TEX14: variants seen among roughly 807,000 people sequenced by gnomAD.
The protein encoded by TEX14 is inactive serine/threonine-protein kinase TEX14.
TEX14 carries 168 observed loss-of-function variants against 178.6 expected under a neutral mutation model. The observed-to-expected ratio is 0.94, with a 90% CI of 0.83 to 1.07. The LOEUF is 1.07. TEX14 is among the 50% of genes least tolerant of loss of function. The probability of loss-of-function intolerance (pLI) is 0.00; values close to 1 mark genes in which losing one functional copy is unlikely to be tolerated. For missense variants in TEX14, 1,730 were observed against 1,753.6 expected (o/e 0.99, Z 0.24); for synonymous variants, 626 against 634.1 (o/e 0.99, Z 0.19).
chr17:58,645,320 A>G (rs1398255978), intron 2 of TEX14, among the ~76,000 whole-genome samples: 1 of 151,550 alleles, frequency 6.6e-6, no homozygotes, highest in Non-Finnish European at 1.5e-5. Context: ...TTATAAAATT[A>G]TATTGTAGGA....
At chr17:58,557,181 G>A (rs2044153481) in intron 31 of TEX14, 134 bp from the exon 32 acceptor site, 1 of 733,026 alleles carries the variant, frequency 1.4e-6, no homozygotes, top group Non-Finnish European at 2.4e-6. Flanking sequence ...ATAATCAAGG[G>A]CGATTATAAC....
chr17:58,624,341 C>CT (rs34422419), intron 3 of TEX14, among the ~76,000 whole-genome samples: 28,024 of 128,552 alleles, frequency 0.22, 4,154 homozygotes, highest in Middle Eastern at 0.39. Context: ...CTTTTCTTTT[C>CT]TTTTTTTTTT....
chr17:58,585,774 T>C lies in TEX14; in HGVS notation c.3070+27A>G, dbSNP rs751690354. Reference sequence around the variant, plus strand: ...CGACTGATACTTGATTGAGTTCACCTATCCTGATTCCCGCAAGTGAACTTA... The same window carrying C: ...CGACTGATACTTGATTGAGTTCACCCATCCTGATTCCCGCAAGTGAACTTA... On this transcript the variant is annotated intron_variant, in intron 18 of 31. Coordinates refer to ENST00000349033, the MANE Select transcript of TEX14 (RefSeq NM_031272.5). 2.5e-6 allele frequency: 4 copies of C among 1,612,128 alleles called. No individual in the cohort carries two copies. In the Admixed American group the frequency reaches 5.0e-5, roughly 20 times the overall value.
chr17:58,607,029 A>G (rs2045626068), intron 10 of TEX14, among the ~76,000 whole-genome samples: 2 of 151,248 alleles, frequency 1.3e-5, no homozygotes, highest in African/African-American at 2.4e-5. Flanking sequence ...AAAAAAAAAA[A>G]AAAAAAAGGA....
chr17:58,617,229 C>T (rs527382614), intron 6 of TEX14, among the ~76,000 whole-genome samples: 1 of 152,080 alleles, frequency 6.6e-6, no homozygotes, highest in Non-Finnish European at 1.5e-5. Flanking sequence ...CCAGCCTGGG[C>T]AACAGAGCCA....
chr17:58,609,486 G>A (rs947691265), intron 10 of TEX14, among the ~76,000 whole-genome samples: 3 of 152,110 alleles, frequency 2.0e-5, no homozygotes, highest in Admixed American at 6.6e-5. Context: ...CAGGTGATCC[G>A]CATGCCTCAG....
chr17:58,627,769 CAAAAAAAAAAAA>C, intron 3 of TEX14, among the ~76,000 whole-genome samples: 1 of 66,944 alleles, frequency 1.5e-5, no homozygotes. Flanking sequence ...GACTCTATCT[CAAAAAAAAAAAA>C]AAAAAAAAGT....
intron 1 of TEX14, among the ~76,000 whole-genome samples, chr17:58,682,040 C>T (rs2047508966): frequency 6.6e-6 from 1 of 152,090 alleles, no homozygotes; most frequent in Non-Finnish European, 1.5e-5. Flanking sequence ...CAGCTCACTG[C>T]AGCCTTGACC....
At chr17:58,557,275 C>CTT (rs59283518) in intron 31 of TEX14, among the ~76,000 whole-genome samples, 8 of 144,772 alleles carry the variant, frequency 5.5e-5, no homozygotes, top group African/African-American at 1.3e-4. Flanking sequence ...TAAACCTGTT[C>CTT]TTTTTTTTTT....
At position 58,556,734 on chromosome 17, in the gene TEX14, T is replaced by C; in HGVS notation, c.*277A>G. Reference sequence around the variant, plus strand: ...AACAAGAGTTAAAGTTTTTGAAAATTAACATCAACAAAACCAAAGCCATTC... The same window carrying C: ...AACAAGAGTTAAAGTTTTTGAAAATCAACATCAACAAAACCAAAGCCATTC... On this transcript the variant is annotated 3_prime_UTR_variant, in exon 32 of 32. Coordinates refer to ENST00000349033, the MANE Select transcript of TEX14 (RefSeq NM_031272.5). 1 of 397,486 alleles carries C rather than the reference T, an allele frequency of 2.5e-6. No individual in the cohort carries two copies. The highest frequency in any genetic ancestry group is 4.5e-6 in the Non-Finnish European group (1 of 223,432). 24.6% of individuals were successfully genotyped at this position (397,486 alleles called of 1,614,324 possible).
Position 58,599,275 on chromosome 17 carries a change from A to T in TEX14, c.2070T>A (p.Phe690Leu). Residue 690 changes from phenylalanine (F) to leucine (L), a missense_variant, in exon 14 of 32, where the codon TTT becomes TTA. This residue lies in a region of TEX14 where 941 missense variants were observed against 1,072.4 expected (regional missense o/e 0.88). Coordinates refer to ENST00000349033, the MANE Select transcript of TEX14 (RefSeq NM_031272.5). ...AACCGTTTTGCCAGTCCCAGTCATC[A>T]AAAGAGTACTCTGTCTCAGCTTTTG... ...SSSKAETEYS[F>L]DDWDWQNGSL... 1 of 1,613,530 alleles carries T rather than the reference A, an allele frequency of 6.2e-7. No homozygotes were observed. The highest frequency in any genetic ancestry group is 8.5e-7 in the Non-Finnish European group (1 of 1,180,018).
In TEX14 at chr17:58,601,907, T is replaced by C. The variant is rs767351208; in HGVS notation, c.1577A>G (p.Gln526Arg). ...GACATCGGGATGGAGTCCGTATCTC[T>C]GCACTCTGGGGCTCTCGGTTGGTTG... ...RTQPTESPRVQRYGLHPDVNV... is the reference protein window; with the variant it reads ...RTQPTESPRVRRYGLHPDVNV... The change falls in exon 13 of 32, where the codon CAG becomes CGG. Residue 526 changes from glutamine (Q) to arginine (R), a missense_variant. This residue lies in a region of TEX14 where 789 missense variants were observed against 681.2 expected (regional missense o/e 1.16). Coordinates refer to ENST00000349033, the MANE Select transcript of TEX14 (RefSeq NM_031272.5). The C allele has an allele frequency of 5.0e-6, 8 of 1,613,322 alleles. No individual in the cohort carries two copies. The highest frequency in any genetic ancestry group is 2.2e-5 in the South Asian group (2 of 91,042).
At chr17:58,592,697 C>A (rs192361965) in intron 15 of TEX14, among the ~76,000 whole-genome samples, 18 of 152,050 alleles carry the variant, frequency 1.2e-4, no homozygotes, top group Non-Finnish European at 2.4e-4. Flanking sequence ...CGCCACCACG[C>A]CCGGCTAATT....
chr17:58,596,757 C>T (rs1200726365), intron 14 of TEX14, among the ~76,000 whole-genome samples: 2 of 151,840 alleles, frequency 1.3e-5, no homozygotes, highest in Non-Finnish European at 1.5e-5. Flanking sequence ...AAATACCAGC[C>T]GGGCGTGCTG....
At chr17:58,617,308 C>T (rs1427961285) in intron 6 of TEX14, among the ~76,000 whole-genome samples, 2 of 152,104 alleles carry the variant, frequency 1.3e-5, no homozygotes, top group Non-Finnish European at 2.9e-5. Flanking sequence ...AGATCATTTT[C>T]TAAACTCAAG....
chr17:58,598,759 G>T, intron 14 of TEX14, 117 bp downstream of exon 14: 1 of 1,031,030 alleles, frequency 9.7e-7, no homozygotes, highest in Admixed American at 2.3e-5. Flanking sequence ...TTACCTGATG[G>T]CTTATCTCTG....
At position 58,573,305 on chromosome 17, in the gene TEX14, T is replaced by C. The variant is rs115532540; in HGVS notation, c.3387A>G (p.Ser1129=). 6.2e-6 allele frequency: 10 copies of C among 1,613,496 alleles called. No individual in the cohort carries two copies. The African/African-American group carries it at 1.1e-4, about 17-fold the overall frequency. The change falls in exon 23 of 32, where the codon TCA becomes TCG. Residue 1129 remains serine, a synonymous_variant. Transcript: ENST00000349033. The stretch of plus-strand genomic sequence containing the variant: ...TAGACAGGTCTTGAATATCCGTCAA[T>C]GATCTAAAGAATTAAGAGCACACAG... ...SPKELKEKDI[S]LTDIQDLSSI...
chr17:58,586,147 TA>T (rs1325629630), intron 17 of TEX14, 65 bp from the exon 18 acceptor site: 1 of 1,478,294 alleles, frequency 6.8e-7, no homozygotes, highest in Non-Finnish European at 9.2e-7. Flanking sequence ...GGCTTTCATC[TA>T]AAAGAAATAC....
At position 58,656,751 on chromosome 17, in the gene TEX14, C is replaced by CAA. The variant is rs71143264; in HGVS notation, c.-1-4751_-1-4750dup. Among the ~76,000 whole-genome samples, 189 of 130,498 alleles carry CAA rather than the reference C, an allele frequency of 1.4e-3. 1 individual carries two copies. The highest frequency in any genetic ancestry group is 6.3e-3 in the East Asian group (28 of 4,430). The allele number at this position is 130,498 out of a possible 152,430, so 85.6% of individuals were successfully genotyped here. A position where few individuals can be genotyped will look rare whatever the true frequency, so the allele number is the denominator to read the frequency against. ...CCTAGGCAACACAGGGACTCTGTCT[C>CAA]AAAAAAAAAAAAAAGAAAAAAATTG... On this transcript the variant is annotated intron_variant, in intron 1 of 31. Coordinates refer to ENST00000349033, the MANE Select transcript of TEX14 (RefSeq NM_031272.5).
Sources: allele counts gnomAD v4.1 joint callset (sites outside exome capture counted in the v4.1 genomes callset), GRCh38; gene constraint gnomAD v4.1.1; regional missense constraint gnomAD v4.1.1; transcripts MANE v1.5; gene names NCBI Gene and HGNC (gene_info 2026-07-23, HGNC 2026-07-21).